NR6A1: variants seen among roughly 807,000 people sequenced by gnomAD.
NR6A1 encodes nuclear receptor subfamily 6 group A member 1, also known as retinoic acid receptor-related testis-associated receptor.
NR6A1 carries 7 observed loss-of-function variants against 59.1 expected under a neutral mutation model. That is an observed-to-expected ratio of 0.12 (90% CI 0.07 to 0.22). The LOEUF (loss-of-function observed/expected upper bound fraction) is 0.22, where lower values mean the gene tolerates loss of function less well. Among genes scored for constraint, NR6A1 ranks in the 10% least tolerant of loss-of-function variants. The pLI, the probability that NR6A1 is intolerant of heterozygous loss-of-function variation, is 1.00. For synonymous variants in NR6A1, 243 were observed against 236.1 expected (o/e 1.03, Z -0.27); for missense variants, 468 against 611.6 (o/e 0.77, Z 2.48).
intron 1 of NR6A1, 92 bp downstream of exon 1, chr9:124,770,928 G>A (rs1841134495): frequency 5.3e-6 from 4 of 751,080 alleles, no homozygotes; most frequent in Middle Eastern, 4.3e-4. Flanking sequence ...CGGCTTCCCA[G>A]GGCGAGGGTC....
intron 2 of NR6A1, among the ~76,000 whole-genome samples, chr9:124,732,575 T>C (rs1839916394): frequency 1.3e-5 from 2 of 152,180 alleles, no homozygotes; most frequent in Non-Finnish European, 2.9e-5. Context: ...ACTACAAAGG[T>C]TATCAATTAT....
At chr9:124,749,010 C>G (rs1840419635) in intron 1 of NR6A1, among the ~76,000 whole-genome samples, 1 of 152,082 alleles carries the variant, frequency 6.6e-6, no homozygotes, top group South Asian at 2.1e-4. Context: ...CGCCTGTAAC[C>G]CCAGCACTTT....
rs545851611 is a variant in NR6A1, at chr9:124,526,981, C to T, written c.1080-81G>A. 107 of 1,541,468 alleles carry T rather than the reference C, an allele frequency of 6.9e-5. 1 individual carries two copies. The South Asian group carries it at 1.2e-3, about 17-fold the overall frequency. On this transcript the variant is annotated intron_variant, in intron 7 of 9. Coordinates refer to ENST00000487099, the MANE Select transcript of NR6A1 (RefSeq NM_033334.4). Reference sequence around the variant, plus strand: ...AAGGGCAGCCAGAGAGCTCCTACAGCTCCTTAAACAGGCTGAGCTTGGGGG... The same window carrying T: ...AAGGGCAGCCAGAGAGCTCCTACAGTTCCTTAAACAGGCTGAGCTTGGGGG...
chr9:124,583,515 C>T (rs190333158), intron 2 of NR6A1, among the ~76,000 whole-genome samples: 1 of 152,278 alleles, frequency 6.6e-6, no homozygotes, highest in East Asian at 1.9e-4. Flanking sequence ...TTAATCTCTT[C>T]AACATATTCA....
intron 7 of NR6A1, among the ~76,000 whole-genome samples, chr9:124,527,826 A>G (rs1261989432): frequency 6.6e-6 from 1 of 152,208 alleles, no homozygotes. Flanking sequence ...ACCCCAGGGG[A>G]TTAATGTTTT....
chr9:124,571,384 G>T (rs138846798), intron 2 of NR6A1, among the ~76,000 whole-genome samples: 1 of 152,304 alleles, frequency 6.6e-6, no homozygotes, highest in East Asian at 1.9e-4. Context: ...GCAGAGGACA[G>T]GATATGAAGA....
At chr9:124,691,109 A>C (rs1838530627) in intron 2 of NR6A1, among the ~76,000 whole-genome samples, 1 of 152,242 alleles carries the variant, frequency 6.6e-6, no homozygotes, top group African/African-American at 2.4e-5. Flanking sequence ...GACCAAGAGG[A>C]AGACTTTTTA....
At chr9:124,609,159 T>C (rs368771755) in intron 2 of NR6A1, among the ~76,000 whole-genome samples, 87 of 152,318 alleles carry the variant, frequency 5.7e-4, no homozygotes, top group South Asian at 1.0e-3. Context: ...TTGCCTTTGG[T>C]GTCTTCATCA....
chr9:124,611,996 T>C (rs1284611428), intron 2 of NR6A1, among the ~76,000 whole-genome samples: 1 of 152,124 alleles, frequency 6.6e-6, no homozygotes. Flanking sequence ...GTGCTTGTCT[T>C]AGCTGGGGTG....
intron 2 of NR6A1, among the ~76,000 whole-genome samples, chr9:124,659,610 G>A (rs1837369135): frequency 6.6e-6 from 1 of 151,856 alleles, no homozygotes; most frequent in Admixed American, 6.6e-5. Context: ...GCCTGCTTTT[G>A]TCTAACTCTT....
chr9:124,641,022 A>G (rs113431137), intron 2 of NR6A1, among the ~76,000 whole-genome samples: 2,757 of 152,218 alleles, frequency 0.018, 75 homozygotes, highest in African/African-American at 0.062. Flanking sequence ...AACCATTTAC[A>G]TGGGTCTTAC....
rs71372976 is a variant in NR6A1, at chr9:124,590,061, C to CAAAAAAAAAA, written c.143-35501_143-35492dup. Among the ~76,000 whole-genome samples the CAAAAAAAAAA allele has an allele frequency of 6.2e-4, 19 of 30,890 alleles. 4 individuals are homozygous for CAAAAAAAAAA. Among genetic ancestry groups the CAAAAAAAAAA allele is most frequent in the African/African-American group, 1.3e-3 (12 of 9,580 alleles). The allele number at this position is 30,890 out of a possible 152,430, so 20.3% of individuals were successfully genotyped here. ...GCCTGGTGACAGAGCAAGACTCTGT[C>CAAAAAAAAAA]AAAAAAAAAAAAAAAAAAAAAAAAA... On this transcript the variant is annotated intron_variant, in intron 2 of 9. Transcript: ENST00000487099.
At position 124,562,069 on chromosome 9, in the gene NR6A1, G is replaced by GAC. The variant is rs1284852706; in HGVS notation, c.143-7501_143-7500dup. 2.6e-5 allele frequency among the ~76,000 whole-genome samples: 4 copies of GAC among 152,334 alleles called. No individual in the cohort carries two copies. The East Asian group carries it at 7.7e-4, about 29-fold the overall frequency. ...AACTGAAGGTGGAAGAGTGGGTATA[G>GAC]ACAAAGAAACAATTGGCATATAAAG... On this transcript the variant is annotated intron_variant, in intron 2 of 9. Transcript: ENST00000487099.
intron 2 of NR6A1, among the ~76,000 whole-genome samples, chr9:124,679,753 C>T (rs1167226489): frequency 6.6e-6 from 1 of 151,494 alleles, no homozygotes; most frequent in Non-Finnish European, 1.5e-5. Context: ...AAAAATTAGC[C>T]GGTCATGGTG....
intron 2 of NR6A1, among the ~76,000 whole-genome samples, chr9:124,561,410 C>G (rs1257024594): frequency 6.6e-6 from 1 of 152,108 alleles, no homozygotes; most frequent in Non-Finnish European, 1.5e-5. Flanking sequence ...TGCACTCCAG[C>G]CTACGGGGCG....
intron 2 of NR6A1, among the ~76,000 whole-genome samples, chr9:124,715,518 A>G (rs1242536380): frequency 6.6e-6 from 1 of 152,184 alleles, no homozygotes; most frequent in Non-Finnish European, 1.5e-5. Flanking sequence ...CCTCAGTAAC[A>G]GAGTGAGACC....
intron 2 of NR6A1, among the ~76,000 whole-genome samples, chr9:124,675,714 G>A (rs1265962618): frequency 6.6e-6 from 1 of 152,156 alleles, no homozygotes; most frequent in Non-Finnish European, 1.5e-5. Context: ...AGGCAGTCTA[G>A]AATCTTTGGT....
At chr9:124,556,312 GA>G (rs1463634596) in intron 2 of NR6A1, among the ~76,000 whole-genome samples, 17 of 152,086 alleles carry the variant, frequency 1.1e-4, no homozygotes, top group Non-Finnish European at 2.9e-5. Flanking sequence ...AAGAGAAGGT[GA>G]TACGAAGACA....
intron 2 of NR6A1, among the ~76,000 whole-genome samples, chr9:124,700,465 C>A (rs1838906963): frequency 6.6e-6 from 1 of 152,072 alleles, no homozygotes; most frequent in African/African-American, 2.4e-5. Flanking sequence ...AAGTGATCCA[C>A]CTGCCTCAGC....
Sources: allele counts gnomAD v4.1 joint callset (sites outside exome capture counted in the v4.1 genomes callset), GRCh38; gene constraint gnomAD v4.1.1; transcripts MANE v1.5; gene names NCBI Gene and HGNC (gene_info 2026-07-23, HGNC 2026-07-21).